The following SPOCK3 variants were observed in gnomAD, a reference collection of about 807,000 sequenced individuals.
SPOCK3 encodes the protein testican-3.
A neutral mutation model predicts 56.6 loss-of-function variants in SPOCK3; 30 were observed. That is an observed-to-expected ratio of 0.53 (90% CI 0.40 to 0.72). SPOCK3 has a LOEUF of 0.72. Among genes scored for constraint, SPOCK3 ranks in the 30% least tolerant of loss-of-function variants. SPOCK3 has a pLI of 0.00. For synonymous variants in SPOCK3, 196 were observed against 183.3 expected, an observed-to-expected ratio of 1.07 and a Z score of -0.56; for missense variants, 527 against 530.0, an observed-to-expected ratio of 0.99 and a Z score of 0.06.
chr4:167,056,094 T>C (rs1202223948), intron 3 of SPOCK3, among the ~76,000 whole-genome samples: 1 of 152,126 alleles, frequency 6.6e-6, no homozygotes, highest in East Asian at 1.9e-4. Flanking sequence ...CAGATACTCC[T>C]CTGAGACAAA....
intron 6 of SPOCK3, among the ~76,000 whole-genome samples, chr4:166,806,880 A>G (rs62355252): frequency 0.071 from 10,826 of 152,074 alleles, 517 homozygotes; most frequent in Non-Finnish European, 0.1. Flanking sequence ...GCCTATATAT[A>G]CTGTGTTTTT....
chr4:166,792,065 T>C (rs1369085281), intron 7 of SPOCK3, 105 bp downstream of exon 7: 1 of 1,294,144 alleles, frequency 7.7e-7, no homozygotes. Flanking sequence ...ATTCAGTATA[T>C]ATGCAGTGAA....
At chr4:166,781,924 A>G (rs1449929806) in intron 7 of SPOCK3, among the ~76,000 whole-genome samples, 1 of 152,188 alleles carries the variant, frequency 6.6e-6, no homozygotes, top group Admixed American at 6.5e-5. Flanking sequence ...TACTTTACCC[A>G]GTGAAAATAT....
At chr4:166,821,498 T>C (rs960923921) in intron 6 of SPOCK3, among the ~76,000 whole-genome samples, 1 of 152,098 alleles carries the variant, frequency 6.6e-6, no homozygotes, top group Non-Finnish European at 1.5e-5. Context: ...TTCATAGCAG[T>C]ATTATTGACA....
chr4:166,902,456 G>A (rs4859970), intron 5 of SPOCK3, among the ~76,000 whole-genome samples: 54,813 of 151,530 alleles, frequency 0.36, 11,269 homozygotes, highest in Non-Finnish European at 0.47. Flanking sequence ...TATTTTCTCT[G>A]TGTTATTACT....
intron 2 of SPOCK3, among the ~76,000 whole-genome samples, chr4:167,198,224 T>C (rs1733155981): frequency 6.6e-6 from 1 of 152,152 alleles, no homozygotes; most frequent in Non-Finnish European, 1.5e-5. Flanking sequence ...ATTAATACTA[T>C]CATAAACTTC....
intron 2 of SPOCK3, among the ~76,000 whole-genome samples, chr4:167,193,820 C>T (rs1043956007): frequency 6.2e-5 from 9 of 144,038 alleles, no homozygotes; most frequent in African/African-American, 2.4e-4. Flanking sequence ...GACTTTTGAC[C>T]ATTTGATTAT....
chr4:166,978,126 C>A (rs1746158350), intron 4 of SPOCK3, among the ~76,000 whole-genome samples: 1 of 152,098 alleles, frequency 6.6e-6, no homozygotes, highest in African/African-American at 2.4e-5. Flanking sequence ...TTGGGCCAAG[C>A]CCATATTAGT....
chr4:166,811,710 A>G (rs929383065), intron 6 of SPOCK3, among the ~76,000 whole-genome samples: 38 of 151,890 alleles, frequency 2.5e-4, no homozygotes, highest in African/African-American at 8.9e-4. Flanking sequence ...CCAGGAAAAT[A>G]ATGGAAGAGA....
intron 2 of SPOCK3, among the ~76,000 whole-genome samples, chr4:167,117,953 A>G (rs1761569365): frequency 6.6e-6 from 1 of 152,184 alleles, no homozygotes. Context: ...GCACAGCAGA[A>G]AAACAGTGAG....
chr4:166,953,644 A>C (rs1317985631), intron 4 of SPOCK3, among the ~76,000 whole-genome samples: 2 of 152,212 alleles, frequency 1.3e-5, no homozygotes, highest in African/African-American at 2.4e-5. Context: ...ATGTATGTTT[A>C]TTGTGGCACT....
chr4:166,929,204 G>A (rs1270894292), intron 4 of SPOCK3, among the ~76,000 whole-genome samples: 2 of 152,214 alleles, frequency 1.3e-5, no homozygotes, highest in South Asian at 2.1e-4. Flanking sequence ...AAGGCAGAAT[G>A]TTAGCTTTAG....
At chr4:167,092,278 C>T (rs1758773248) in intron 2 of SPOCK3, among the ~76,000 whole-genome samples, 1 of 152,160 alleles carries the variant, frequency 6.6e-6, no homozygotes, top group Admixed American at 6.5e-5. Context: ...ACGTTAATCT[C>T]TAGTCCAAGG....
At chr4:167,042,621 C>T (rs1753329878) in intron 3 of SPOCK3, among the ~76,000 whole-genome samples, 1 of 152,014 alleles carries the variant, frequency 6.6e-6, no homozygotes, top group Non-Finnish European at 1.5e-5. Context: ...AAAAGAGAAA[C>T]CTGAAAAGTA....
chr4:167,168,505 G>A (rs1186478797), intron 2 of SPOCK3, among the ~76,000 whole-genome samples: 1 of 152,116 alleles, frequency 6.6e-6, no homozygotes, highest in African/African-American at 2.4e-5. Context: ...TTGGGAACTA[G>A]AGTAAATGTC....
At chr4:166,940,613 A>T (rs1001578477) in intron 4 of SPOCK3, among the ~76,000 whole-genome samples, 1 of 151,588 alleles carries the variant, frequency 6.6e-6, no homozygotes, top group Non-Finnish European at 1.5e-5. Flanking sequence ...TGTAATAATA[A>T]AAAACCCCTA....
intron 2 of SPOCK3, among the ~76,000 whole-genome samples, chr4:167,103,408 C>T (rs1759826188): frequency 6.6e-6 from 1 of 152,088 alleles, no homozygotes; most frequent in Admixed American, 6.5e-5. Flanking sequence ...ACAGCATTTA[C>T]CATAAGCTCG....
chr4:167,146,943 C>T (rs1764012710), intron 2 of SPOCK3, among the ~76,000 whole-genome samples: 1 of 151,810 alleles, frequency 6.6e-6, no homozygotes, highest in African/African-American at 2.4e-5. Context: ...TAGCAGAAGA[C>T]AAGAAATAAC....
chr4:167,200,800 CTATT>C (rs1423154202), intron 2 of SPOCK3, among the ~76,000 whole-genome samples: 12 of 151,946 alleles, frequency 7.9e-5, no homozygotes, highest in East Asian at 1.9e-4. Flanking sequence ...GAGTAAAACA[CTATT>C]TATTGTATTA....
Sources: gnomAD v4.1 joint callset for allele counts (sites outside exome capture counted in the v4.1 genomes callset) on GRCh38, gnomAD v4.1.1 for gene constraint, MANE v1.5 for transcripts, NCBI Gene and HGNC (gene_info 2026-07-23, HGNC 2026-07-21) for gene names.